Variants in BRINP1 observed in about 807,000 individuals in gnomAD.
The protein encoded by BRINP1 is BMP/retinoic acid-inducible neural-specific protein 1.
A neutral mutation model predicts 72.9 loss-of-function variants in BRINP1; 17 were observed. The observed-to-expected ratio is 0.23, with a 90% CI of 0.16 to 0.35. The LOEUF (loss-of-function observed/expected upper bound fraction) is 0.35. BRINP1 is among the 10% of genes least tolerant of loss of function. The pLI is 1.00. For synonymous variants in BRINP1, 418 were observed against 378.5 expected (o/e 1.10, Z -1.21); for missense variants, 850 against 1,001.6 (o/e 0.85, Z 2.04).
chr9:119,173,279 CAA>C (rs1327326600), intron 7 of BRINP1, among the ~76,000 whole-genome samples: 14 of 150,564 alleles, frequency 9.3e-5, no homozygotes, highest in South Asian at 8.6e-4. Context: ...GCAACTTCAG[CAA>C]AGTCTCAGGA....
At chr9:119,320,382 A>G (rs927686995) in intron 1 of BRINP1, among the ~76,000 whole-genome samples, 3 of 152,210 alleles carry the variant, frequency 2.0e-5, no homozygotes, top group Non-Finnish European at 4.4e-5. Flanking sequence ...ATTCATTACC[A>G]TACTGAACAA....
chr9:119,166,962 C>A lies in BRINP1; in HGVS notation c.*122G>T. The A allele has an allele frequency of 9.1e-7, 1 of 1,097,420 alleles. No individual in the cohort carries two copies. The highest frequency in any genetic ancestry group is 1.3e-6 in the Non-Finnish European group (1 of 761,938). 68.0% of individuals were successfully genotyped at this position (1,097,420 alleles called of 1,614,324 possible). On this transcript the variant is annotated 3_prime_UTR_variant, in exon 8 of 8. Coordinates refer to ENST00000265922, the MANE Select transcript of BRINP1 (RefSeq NM_014618.3). Reference sequence around the variant, plus strand: ...TTTCCAACAAATGAAGATTTTCCTCCTTTTCTTTGAATATTAATTACATTT... The same window carrying A: ...TTTCCAACAAATGAAGATTTTCCTCATTTTCTTTGAATATTAATTACATTT...
chr9:119,317,926 A>G (rs769557127), intron 1 of BRINP1, among the ~76,000 whole-genome samples: 3 of 152,212 alleles, frequency 2.0e-5, no homozygotes, highest in Non-Finnish European at 4.4e-5. Flanking sequence ...GCTATCCTAC[A>G]CTTAATAGGC....
At chr9:119,356,615 G>C (rs1300205327) in intron 1 of BRINP1, among the ~76,000 whole-genome samples, 6 of 151,962 alleles carry the variant, frequency 3.9e-5, no homozygotes, top group Non-Finnish European at 8.8e-5. Context: ...CCCAGCCTGG[G>C]CAGCATGGTG....
intron 2 of BRINP1, among the ~76,000 whole-genome samples, chr9:119,276,177 C>A (rs938029341): frequency 6.6e-6 from 1 of 152,094 alleles, no homozygotes. Flanking sequence ...GAATTGGATA[C>A]CTTCTTAAGT....
chr9:119,359,491 C>A (rs1348246599), intron 1 of BRINP1, among the ~76,000 whole-genome samples: 1 of 152,196 alleles, frequency 6.6e-6, no homozygotes, highest in Admixed American at 6.5e-5. Context: ...TGTGAGCCAC[C>A]ATGCCAAACC....
intron 2 of BRINP1, among the ~76,000 whole-genome samples, chr9:119,304,828 T>G (rs1830978250): frequency 6.6e-6 from 1 of 152,192 alleles, no homozygotes; most frequent in African/African-American, 2.4e-5. Context: ...ACTCCCTTTC[T>G]CTCCCTTAAA....
intron 2 of BRINP1, among the ~76,000 whole-genome samples, chr9:119,305,808 C>T (rs529978800): frequency 6.6e-6 from 1 of 152,280 alleles, no homozygotes; most frequent in Non-Finnish European, 1.5e-5. Flanking sequence ...ACCATGAATT[C>T]CTTGAGGGAA....
chr9:119,234,204 C>G (rs1052480613), intron 5 of BRINP1, among the ~76,000 whole-genome samples: 2 of 152,140 alleles, frequency 1.3e-5, no homozygotes, highest in Non-Finnish European at 2.9e-5. Flanking sequence ...CAAGAATTTT[C>G]CGAAGTGATT....
At chr9:119,272,172 G>T (rs956419627) in intron 2 of BRINP1, among the ~76,000 whole-genome samples, 1 of 151,038 alleles carries the variant, frequency 6.6e-6, no homozygotes. Flanking sequence ...TCCGCCTCCC[G>T]GGTTCAAGCA....
intron 5 of BRINP1, among the ~76,000 whole-genome samples, chr9:119,234,985 T>G (rs1236854945): frequency 1.3e-5 from 2 of 152,166 alleles, no homozygotes; most frequent in Non-Finnish European, 2.9e-5. Context: ...GTCTAAATTC[T>G]ATATGGTCTT....
intron 2 of BRINP1, among the ~76,000 whole-genome samples, chr9:119,268,289 T>TAGATAGATAGACAGACAGACAGAC (rs1554752353): frequency 2.0e-5 from 3 of 148,708 alleles, no homozygotes; most frequent in Non-Finnish European, 4.5e-5. Flanking sequence ...GATAGATAGA[T>TAGATAGATAGACAGACAGACAGAC]AGATAGATAG....
At chr9:119,195,246 G>C (rs943341600) in intron 7 of BRINP1, among the ~76,000 whole-genome samples, 1 of 152,162 alleles carries the variant, frequency 6.6e-6, no homozygotes, top group African/African-American at 2.4e-5. Context: ...CTGGCACTTA[G>C]TGAGTATTCA....
rs150342052 is a variant in BRINP1 at position 119,242,164 on chromosome 9, T to C, written c.462A>G (p.Ser154=). The C allele has an allele frequency of 6.2e-7, 1 of 1,614,172 alleles. No individual in the cohort carries two copies. The highest frequency in any genetic ancestry group is 8.5e-7 in the Non-Finnish European group (1 of 1,180,022). Residue 154 remains serine, a synonymous_variant, in exon 4 of 8, where the codon TCA becomes TCG. Coordinates refer to ENST00000265922, the MANE Select transcript of BRINP1 (RefSeq NM_014618.3). ...CTTCAACACTTTGAGTGGCATTCCC[T>C]GACTTCCTGTCGAGGCGACTTTTGT... ...YMDKSRLDRK[S]GNATQSVEAL...
intron 7 of BRINP1, among the ~76,000 whole-genome samples, chr9:119,173,730 G>C (rs1829446825): frequency 6.9e-6 from 1 of 144,878 alleles, no homozygotes; most frequent in African/African-American, 2.8e-5. Flanking sequence ...CACACTACCT[G>C]ACTTCAAACT....
At chr9:119,298,463 G>A (rs1296037419) in intron 2 of BRINP1, among the ~76,000 whole-genome samples, 1 of 152,124 alleles carries the variant, frequency 6.6e-6, no homozygotes, top group East Asian at 1.9e-4. Context: ...TTTACAGATT[G>A]AGATTTCCCC....
In BRINP1 at chr9:119,166,959, C is replaced by T. The variant is rs1392883024; in HGVS notation, c.*125G>A. On this transcript the variant is annotated 3_prime_UTR_variant, in exon 8 of 8. Transcript: ENST00000265922. ...TCATTTCCAACAAATGAAGATTTTC[C>T]TCCTTTTCTTTGAATATTAATTACA... The T allele has an allele frequency of 6.6e-6, 7 of 1,053,678 alleles. No homozygotes were observed. Among genetic ancestry groups the T allele is most frequent in the Non-Finnish European group, 9.7e-6 (7 of 723,520 alleles). The allele number at this position is 1,053,678 out of a possible 1,614,324, so 65.3% of individuals were successfully genotyped here.
At position 119,238,739 on chromosome 9, in the gene BRINP1, G is replaced by T. The variant is rs757626158; in HGVS notation, c.601C>A (p.Pro201Thr). The T allele has an allele frequency of 1.6e-5, 25 of 1,609,240 alleles. No homozygotes were observed. Among genetic ancestry groups the T allele is most frequent in the Non-Finnish European group, 2.0e-5 (24 of 1,177,904 alleles). ...TTGTCATAGCTGTTACAGCCCAGAG[G>T]CCCAGTGCGTGTCTCTGTGACCTGC... ...AIKVTETRTG[P>T]LGCNSYDNLD... Residue 201 changes from proline (P) to threonine (T), a missense_variant, in exon 5 of 8, where the codon CCT becomes ACT. By Grantham distance (38) the Pro-to-Thr change is conservative. Coordinates refer to ENST00000265922, the MANE Select transcript of BRINP1 (RefSeq NM_014618.3).
At chr9:119,268,286 AG>A (rs1216515767) in intron 2 of BRINP1, among the ~76,000 whole-genome samples, 2 of 41,682 alleles carry the variant, frequency 4.8e-5, no homozygotes, top group African/African-American at 7.5e-5. Flanking sequence ...ATAGATAGAT[AG>A]ATAGATAGAT....
Sources: gnomAD v4.1 joint callset for allele counts (sites outside exome capture counted in the v4.1 genomes callset) on GRCh38, gnomAD v4.1.1 for gene constraint, MANE v1.5 for transcripts, NCBI Gene and HGNC (gene_info 2026-07-23, HGNC 2026-07-21) for gene names.